TENM4: variants seen among roughly 807,000 people sequenced by gnomAD.
TENM4 encodes teneurin-4.
A neutral mutation model predicts 243.3 loss-of-function variants in TENM4; 82 were observed. The ratio of observed to expected loss-of-function variants is 0.34; its 90% CI spans 0.28 to 0.40. TENM4 has a LOEUF of 0.40. Among genes scored for constraint, TENM4 ranks in the 10% least tolerant of loss-of-function variants. The pLI, the probability that TENM4 is intolerant of heterozygous loss-of-function variation, is 1.00. For missense variants in TENM4, 3,138 were observed against 3,673.3 expected, an observed-to-expected ratio of 0.85 and a Z score of 3.77; for synonymous variants, 1,412 against 1,456.3, an observed-to-expected ratio of 0.97 and a Z score of 0.69.
chr11:79,321,022 A>G (rs1856879554), intron 1 of TENM4, among the ~76,000 whole-genome samples: 1 of 152,214 alleles, frequency 6.6e-6, no homozygotes, highest in Non-Finnish European at 1.5e-5. Flanking sequence ...AGAAGGTAAG[A>G]GATGTGCATT....
At chr11:78,754,536 C>A (rs946632563) in intron 19 of TENM4, among the ~76,000 whole-genome samples, 1 of 152,104 alleles carries the variant, frequency 6.6e-6, no homozygotes, top group African/African-American at 2.4e-5. Flanking sequence ...CTAATTGGAT[C>A]CAATAATGGG....
Position 78,892,004 on chromosome 11 carries a change from C to T in TENM4, c.750-668G>A, listed in dbSNP as rs933021160. Among the ~76,000 whole-genome samples, 3 of 152,250 alleles carry T rather than the reference C, an allele frequency of 2.0e-5. No homozygotes were observed. The East Asian group carries it at 5.8e-4, about 29-fold the overall frequency. On this transcript the variant is annotated intron_variant, in intron 7 of 33. Transcript: ENST00000278550. Reference sequence around the variant, plus strand: ...TGGGGCCTGAGGATCTGTATTTCTCCCAGGCCCCCAGGTTAATGCTGACCA... The same window carrying T: ...TGGGGCCTGAGGATCTGTATTTCTCTCAGGCCCCCAGGTTAATGCTGACCA...
chr11:79,322,540 A>G (rs550875004), intron 1 of TENM4, among the ~76,000 whole-genome samples: 1 of 152,280 alleles, frequency 6.6e-6, no homozygotes, highest in Admixed American at 6.5e-5. Context: ...TAGTGCCAAG[A>G]AAAGAGAGAG....
chr11:79,308,496 G>A (rs768018494), intron 1 of TENM4, among the ~76,000 whole-genome samples: 3 of 152,152 alleles, frequency 2.0e-5, no homozygotes, highest in African/African-American at 7.2e-5. Context: ...ATTCCTCCTG[G>A]TAACAAAGTC....
At chr11:78,973,916 C>T (rs1460024452) in intron 6 of TENM4, among the ~76,000 whole-genome samples, 2 of 151,952 alleles carry the variant, frequency 1.3e-5, no homozygotes, top group African/African-American at 4.8e-5. Context: ...GTGAGCCAAG[C>T]AGACACCCAG....
chr11:78,933,954 G>T (rs778447622), intron 6 of TENM4, among the ~76,000 whole-genome samples: 3 of 152,166 alleles, frequency 2.0e-5, no homozygotes, highest in African/African-American at 7.2e-5. Flanking sequence ...TGGGGAAAGG[G>T]GGGGACAAGA....
At chr11:79,119,399 G>C (rs1021809144) in intron 4 of TENM4, among the ~76,000 whole-genome samples, 4 of 150,548 alleles carry the variant, frequency 2.7e-5, no homozygotes, top group Admixed American at 2.6e-4. Context: ...AAAAATCATT[G>C]TCATAACAAT....
chr11:79,340,150 A>G (rs1857218306), intron 1 of TENM4, among the ~76,000 whole-genome samples: 2 of 152,262 alleles, frequency 1.3e-5, no homozygotes, highest in Non-Finnish European at 2.9e-5. Flanking sequence ...ATGTCCTATT[A>G]CAAGAAATTG....
intron 6 of TENM4, among the ~76,000 whole-genome samples, chr11:78,993,813 TTA>T (rs1858102755): frequency 1.3e-5 from 2 of 152,238 alleles, no homozygotes; most frequent in African/African-American, 4.8e-5. Flanking sequence ...TTCAAAGTCC[TTA>T]TTTGCTAATT....
chr11:78,965,366 T>C (rs1372744122), intron 6 of TENM4, among the ~76,000 whole-genome samples: 1 of 151,990 alleles, frequency 6.6e-6, no homozygotes, highest in Non-Finnish European at 1.5e-5. Flanking sequence ...AAAAGTTCTG[T>C]CTACCAGGCC....
At chr11:79,316,517 GT>G (rs1856805560) in intron 1 of TENM4, among the ~76,000 whole-genome samples, 1 of 152,206 alleles carries the variant, frequency 6.6e-6, no homozygotes, top group African/African-American at 2.4e-5. Context: ...GAGTATTACT[GT>G]CTGCAGAGTT....
intron 1 of TENM4, among the ~76,000 whole-genome samples, chr11:79,329,908 G>T (rs1189697147): frequency 3.9e-5 from 6 of 152,214 alleles, no homozygotes; most frequent in Non-Finnish European, 8.8e-5. Flanking sequence ...TATCTCTCCA[G>T]CTGCCTGGTA....
At chr11:78,780,621 G>A (rs1856821554) in intron 16 of TENM4, among the ~76,000 whole-genome samples, 1 of 152,116 alleles carries the variant, frequency 6.6e-6, no homozygotes, top group African/African-American at 2.4e-5. Context: ...CTTAATGGTA[G>A]TATAGTGGTT....
At chr11:78,707,686 T>C (rs554204877) in intron 27 of TENM4, among the ~76,000 whole-genome samples, 3 of 152,382 alleles carry the variant, frequency 2.0e-5, no homozygotes, top group East Asian at 3.9e-4. Context: ...AAAACTTGCA[T>C]AAATGTCACC....
At chr11:78,822,722 TTAAGA>T (rs1851389170) in intron 12 of TENM4, among the ~76,000 whole-genome samples, 1 of 151,984 alleles carries the variant, frequency 6.6e-6, no homozygotes, top group South Asian at 2.1e-4. Flanking sequence ...ACCCTGGAAC[TTAAGA>T]TAAAATTTTT....
intron 12 of TENM4, among the ~76,000 whole-genome samples, chr11:78,824,027 C>T (rs1271283801): frequency 2.6e-5 from 4 of 152,058 alleles, no homozygotes; most frequent in Non-Finnish European, 4.4e-5. Context: ...AAGTTGATGC[C>T]GCTAATAAGT....
chr11:78,945,467 C>T (rs2136471252), intron 6 of TENM4, among the ~76,000 whole-genome samples: 1 of 152,328 alleles, frequency 6.6e-6, no homozygotes, highest in East Asian at 1.9e-4. Context: ...CTTTCTTCCT[C>T]TCCTCCGGCC....
At chr11:78,714,228 A>G (rs1332406714) in intron 25 of TENM4, among the ~76,000 whole-genome samples, 1 of 152,094 alleles carries the variant, frequency 6.6e-6, no homozygotes. Context: ...GCAAAATTTT[A>G]TTTTACAGAT....
chr11:78,842,246 C>G (rs1858276233), intron 12 of TENM4, among the ~76,000 whole-genome samples: 1 of 152,214 alleles, frequency 6.6e-6, no homozygotes, highest in African/African-American at 2.4e-5. Context: ...CATCTATTCT[C>G]CAAGGTCGAA....
Sources: gnomAD v4.1 joint callset for allele counts (sites outside exome capture counted in the v4.1 genomes callset) on GRCh38, gnomAD v4.1.1 for gene constraint, MANE v1.5 for transcripts, NCBI Gene and HGNC (gene_info 2026-07-23, HGNC 2026-07-21) for gene names.